Variants in TMPRSS11A observed in about 807,000 individuals in gnomAD.
TMPRSS11A encodes the protein transmembrane serine protease 11A.
In TMPRSS11A, 53 loss-of-function variants were observed where a neutral mutation model predicts 58.9. That is an observed-to-expected ratio of 0.90 (90% CI 0.72 to 1.13). The LOEUF (loss-of-function observed/expected upper bound fraction) is 1.13. Among genes scored for constraint, TMPRSS11A ranks in the 50% most tolerant of loss-of-function variants. The pLI is 0.00. For missense variants in TMPRSS11A, 493 were observed against 499.3 expected, an observed-to-expected ratio of 0.99 and a Z score of 0.12; for synonymous variants, 167 against 169.8, an observed-to-expected ratio of 0.98 and a Z score of 0.13.
chr4:67,916,096 C>A (rs943592564), intron 8 of TMPRSS11A, among the ~76,000 whole-genome samples: 14 of 152,024 alleles, frequency 9.2e-5, no homozygotes, highest in African/African-American at 1.4e-4. Flanking sequence ...GTTGATATAT[C>A]GTATTCTTGA....
intron 1 of TMPRSS11A, among the ~76,000 whole-genome samples, chr4:67,951,588 ATTT>A (rs34015767): frequency 3.0e-5 from 4 of 133,590 alleles, no homozygotes. Flanking sequence ...TTGGGGGGAT[ATTT>A]TTTTTTTTTT....
chr4:67,912,361 G>A (rs917161004), intron 9 of TMPRSS11A, among the ~76,000 whole-genome samples: 2 of 151,672 alleles, frequency 1.3e-5, no homozygotes, highest in African/African-American at 4.8e-5. Flanking sequence ...GCTCAAATTC[G>A]AGCTGGTTAC....
In TMPRSS11A at chr4:67,944,619, T is replaced by C; in HGVS notation, c.152A>G (p.Tyr51Cys). Residue 51 changes from tyrosine (Y) to cysteine (C), a missense_variant, in exon 3 of 10, where the codon TAT becomes TGT. Transcript: ENST00000508048. ...FLVFDQKKEY[Y>C]HGSFKILDPQ... ...ATCTAAAATTTTAAAGGAGCCATGA[T>C]AGTACTCCTTTTTTTGGTCTGCAAT... 1 of 1,611,840 alleles carries C rather than the reference T, an allele frequency of 6.2e-7. No homozygotes were observed. Among genetic ancestry groups the C allele is most frequent in the Non-Finnish European group, 8.5e-7 (1 of 1,178,656 alleles).
At chr4:67,925,552 A>C (rs566145356) in intron 5 of TMPRSS11A, among the ~76,000 whole-genome samples, 3 of 152,324 alleles carry the variant, frequency 2.0e-5, no homozygotes, top group African/African-American at 7.2e-5. Context: ...GGAGCTTTTG[A>C]AAATATTCAA....
intron 1 of TMPRSS11A, 90 bp from the exon 2 acceptor site, chr4:67,946,661 C>T (rs1159334076): frequency 2.3e-6 from 3 of 1,299,594 alleles, no homozygotes; most frequent in Non-Finnish European, 3.1e-6. Flanking sequence ...GTTGCTGTAG[C>T]CTACCTTTCC....
chr4:67,958,638 G>A (rs990094930), intron 1 of TMPRSS11A, among the ~76,000 whole-genome samples: 4 of 152,220 alleles, frequency 2.6e-5, no homozygotes, highest in Non-Finnish European at 4.4e-5. Context: ...TCTCAGATGA[G>A]ACTGTGGACT....
At chr4:67,948,147 C>CTTTTTTTT (rs10577639) in intron 1 of TMPRSS11A, among the ~76,000 whole-genome samples, 4 of 98,302 alleles carry the variant, frequency 4.1e-5, no homozygotes, top group African/African-American at 1.2e-4. Flanking sequence ...CAGTTTTTTT[C>CTTTTTTTT]TTTTTTTTTT....
chr4:67,912,445 G>C (rs935680066), intron 9 of TMPRSS11A, among the ~76,000 whole-genome samples: 1 of 152,102 alleles, frequency 6.6e-6, no homozygotes, highest in African/African-American at 2.4e-5. Context: ...ACAGTTTCAG[G>C]TCTTACGTCT....
At chr4:67,948,975 A>C (rs953379027) in intron 1 of TMPRSS11A, among the ~76,000 whole-genome samples, 2 of 152,112 alleles carry the variant, frequency 1.3e-5, no homozygotes, top group African/African-American at 4.8e-5. Flanking sequence ...TTATTTAATA[A>C]ATTTATCATT....
chr4:67,910,962 G>T lies in TMPRSS11A; in HGVS notation c.*380C>A, dbSNP rs1255064423. 2.5e-5 allele frequency: 4 copies of T among 158,626 alleles called. No homozygotes were observed. Among genetic ancestry groups the T allele is most frequent in the Non-Finnish European group, 5.5e-5 (4 of 72,624 alleles). The allele number at this position is 158,626 out of a possible 1,614,324, so 9.8% of individuals were successfully genotyped here. A position where few individuals can be genotyped will look rare whatever the true frequency, so the allele number is the denominator to read the frequency against. On this transcript the variant is annotated 3_prime_UTR_variant, in exon 10 of 10. Transcript: ENST00000508048. ...GAGAAATGTAGGGAATTATACAAGG[G>T]TTTCTTGAACACTTTGTGAGTTCAA...
In TMPRSS11A at chr4:67,914,480, G is replaced by T. The variant is rs541910320; in HGVS notation, c.1095+108C>A. 9.9e-6 allele frequency: 10 copies of T among 1,009,458 alleles called. No homozygotes were observed. In the South Asian group the frequency reaches 1.6e-4, roughly 17 times the overall value. 62.5% of individuals were successfully genotyped at this position (1,009,458 alleles called of 1,614,324 possible). ...TGAAATTTGCATTTGTAACTTTTTT[G>T]AGCTGACATGATATCTATGTTTTGT... On this transcript the variant is annotated intron_variant, in intron 9 of 9. Coordinates refer to ENST00000508048, the MANE Select transcript of TMPRSS11A (RefSeq NM_001114387.2).
At position 67,946,537 on chromosome 4, in the gene TMPRSS11A, T is replaced by A. The variant is rs1444717084; in HGVS notation, c.46A>T (p.Lys16Ter). 1 of 1,611,620 alleles carries A rather than the reference T, an allele frequency of 6.2e-7. No homozygotes were observed. Among genetic ancestry groups the A allele is most frequent in the Non-Finnish European group, 8.5e-7 (1 of 1,178,906 alleles). ...ATGAGAACGGCAATCATCCATGGCT[T>A]CAGATTTCTGCTTCGGGTGCCAAAT... Reference protein sequence around the residue: ...VGFGTRSRNLKPWMIAVLIVL... With the variant: ...VGFGTRSRNL Residue 16 changes from lysine to a stop codon, truncating the protein, a stop_gained, in exon 2 of 10, where the codon AAG becomes TAG. Coordinates refer to ENST00000508048, the MANE Select transcript of TMPRSS11A (RefSeq NM_001114387.2). LOFTEE classifies it high-confidence loss of function.
At chr4:67,932,320 C>T (rs896020142) in intron 3 of TMPRSS11A, among the ~76,000 whole-genome samples, 8 of 152,084 alleles carry the variant, frequency 5.3e-5, no homozygotes, top group Non-Finnish European at 1.2e-4. Flanking sequence ...AAAAAACCTA[C>T]CCAAGTAATT....
chr4:67,916,923 T>A (rs1720172380), intron 8 of TMPRSS11A, among the ~76,000 whole-genome samples: 1 of 152,164 alleles, frequency 6.6e-6, no homozygotes, highest in Admixed American at 6.5e-5. Context: ...ACAGTGCAAA[T>A]CCACAACTTC....
chr4:67,940,031 C>T (rs558428947), intron 3 of TMPRSS11A, among the ~76,000 whole-genome samples: 3 of 152,058 alleles, frequency 2.0e-5, no homozygotes, highest in African/African-American at 4.8e-5. Context: ...TGTGGTAAAT[C>T]GCATTTATTG....
intron 8 of TMPRSS11A, among the ~76,000 whole-genome samples, chr4:67,918,015 T>C (rs1017114332): frequency 5.3e-5 from 8 of 152,232 alleles, no homozygotes; most frequent in African/African-American, 1.9e-4. Flanking sequence ...GGAAAAAATC[T>C]AGAGACCCTA....
intron 3 of TMPRSS11A, 72 bp from the exon 4 acceptor site, chr4:67,932,132 G>T: frequency 1.1e-6 from 1 of 876,160 alleles, no homozygotes; most frequent in Non-Finnish European, 1.7e-6. Context: ...TTGATTAAAT[G>T]TTAAAGCAAT....
chr4:67,960,990 T>A (rs961751790), intron 1 of TMPRSS11A, among the ~76,000 whole-genome samples: 1 of 152,226 alleles, frequency 6.6e-6, no homozygotes, highest in Admixed American at 6.5e-5. Context: ...GGTACTTAAG[T>A]GAGTGAATCA....
intron 7 of TMPRSS11A, among the ~76,000 whole-genome samples, chr4:67,920,527 T>TTATATATATATATA (rs1180319358): frequency 2.3e-4 from 31 of 132,720 alleles, no homozygotes; most frequent in Middle Eastern, 3.9e-3. Context: ...AATGAGGTAA[T>TTATATATATATATA]TATATATATA....
Sources: allele counts gnomAD v4.1 joint callset (sites outside exome capture counted in the v4.1 genomes callset), GRCh38; gene constraint gnomAD v4.1.1; transcripts MANE v1.5; gene names NCBI Gene and HGNC (gene_info 2026-07-23, HGNC 2026-07-21).